DIP2B: variants seen among roughly 807,000 people sequenced by gnomAD.
DIP2B encodes the protein disco-interacting protein 2 homolog B.
In DIP2B, 76 loss-of-function variants were observed where a neutral mutation model predicts 198.0. The ratio of observed to expected loss-of-function variants is 0.38; its 90% CI spans 0.32 to 0.46. The LOEUF (loss-of-function observed/expected upper bound fraction) is 0.46. DIP2B is among the 20% of genes least tolerant of loss of function. The probability of loss-of-function intolerance (pLI) is 0.99; values close to 1 mark genes in which losing one functional copy is unlikely to be tolerated. For synonymous variants in DIP2B, 701 were observed against 739.1 expected, an observed-to-expected ratio of 0.95 and a Z score of 0.84; for missense variants, 1,559 against 1,978.4, an observed-to-expected ratio of 0.79 and a Z score of 4.02.
At chr12:50,715,235 C>A (rs148755490) in intron 23 of DIP2B, among the ~76,000 whole-genome samples, 1 of 152,160 alleles carries the variant, frequency 6.6e-6, no homozygotes. Context: ...GTCATAGATA[C>A]GCTACAGAAC....
At chr12:50,521,102 T>G (rs925463294) in intron 1 of DIP2B, among the ~76,000 whole-genome samples, 1 of 148,560 alleles carries the variant, frequency 6.7e-6, no homozygotes, top group African/African-American at 2.5e-5. Flanking sequence ...CAGTTTTTTT[T>G]TTTTTTTTTT....
At chr12:50,558,079 T>C (rs541532768) in intron 1 of DIP2B, among the ~76,000 whole-genome samples, 8 of 82,720 alleles carry the variant, frequency 9.7e-5, no homozygotes, top group Non-Finnish European at 1.7e-4. Flanking sequence ...AATTATCACG[T>C]TTCAGCTGAG....
chr12:50,621,378 G>T (rs1425883292), intron 1 of DIP2B, among the ~76,000 whole-genome samples: 1 of 152,156 alleles, frequency 6.6e-6, no homozygotes, highest in African/African-American at 2.4e-5. Context: ...GTAAACTTCT[G>T]GTCCACTAAA....
At chr12:50,560,074 C>T (rs1045705799) in intron 1 of DIP2B, among the ~76,000 whole-genome samples, 1 of 151,994 alleles carries the variant, frequency 6.6e-6, no homozygotes, top group Admixed American at 6.6e-5. Context: ...GCCAAGAGTT[C>T]GAGATCAGCC....
intron 1 of DIP2B, among the ~76,000 whole-genome samples, chr12:50,506,363 A>G (rs979175134): frequency 2.0e-5 from 3 of 152,334 alleles, no homozygotes; most frequent in Non-Finnish European, 4.4e-5. Context: ...CCAGGAGCTT[A>G]TTAAACATTA....
intron 1 of DIP2B, among the ~76,000 whole-genome samples, chr12:50,528,166 A>G (rs963646206): frequency 3.0e-4 from 45 of 151,634 alleles, no homozygotes; most frequent in African/African-American, 7.8e-4. Flanking sequence ...GACTCAAGCA[A>G]TCTGCCCACC....
intron 37 of DIP2B, among the ~76,000 whole-genome samples, chr12:50,742,414 AAAAAAAAAC>A (rs1185180382): frequency 0.027 from 2,292 of 86,402 alleles, 114 homozygotes; most frequent in African/African-American, 0.06. Flanking sequence ...AAAAAAAAAA[AAAAAAAAAC>A]CACCTCTGTA....
At chr12:50,629,582 C>T (rs1037347544) in intron 2 of DIP2B, among the ~76,000 whole-genome samples, 2 of 152,320 alleles carry the variant, frequency 1.3e-5, no homozygotes, top group Non-Finnish European at 2.9e-5. Context: ...AAATATGTAT[C>T]TTCAACCCGA....
At chr12:50,693,752 A>G (rs995048939) in intron 14 of DIP2B, among the ~76,000 whole-genome samples, 11 of 152,218 alleles carry the variant, frequency 7.2e-5, no homozygotes, top group African/African-American at 2.4e-4. Context: ...AGATAGGGAC[A>G]TGTGTGAAGA....
intron 1 of DIP2B, among the ~76,000 whole-genome samples, chr12:50,608,641 G>T (rs978674672): frequency 4.1e-5 from 6 of 145,410 alleles, no homozygotes; most frequent in Non-Finnish European, 9.0e-5. Flanking sequence ...AAAAAAAAAA[G>T]AAAGAAAAGA....
At chr12:50,688,878 G>C (rs533861255) in intron 12 of DIP2B, among the ~76,000 whole-genome samples, 69 of 152,206 alleles carry the variant, frequency 4.5e-4, no homozygotes, top group African/African-American at 1.6e-3. Context: ...TGTGGCTCTT[G>C]CTTAGCTCTC....
chr12:50,544,794 T>G (rs1031019131), intron 1 of DIP2B, among the ~76,000 whole-genome samples: 44 of 152,008 alleles, frequency 2.9e-4, no homozygotes, highest in African/African-American at 9.9e-4. Flanking sequence ...ATTTTTTGTA[T>G]TTTTAGTAGA....
At chr12:50,640,219 A>G (rs2684903) in intron 2 of DIP2B, among the ~76,000 whole-genome samples, 8,842 of 152,230 alleles carry the variant, frequency 0.058, 331 homozygotes, top group Non-Finnish European at 0.088. Context: ...ATAAGACAGT[A>G]CATTTTGGGA....
At chr12:50,544,915 C>T (rs1958362908) in intron 1 of DIP2B, among the ~76,000 whole-genome samples, 2 of 152,130 alleles carry the variant, frequency 1.3e-5, no homozygotes, top group South Asian at 4.1e-4. Context: ...CCGCGCCTGG[C>T]TGAATAACTT....
intron 1 of DIP2B, among the ~76,000 whole-genome samples, chr12:50,515,389 G>A (rs1958055247): frequency 6.6e-6 from 1 of 151,908 alleles, no homozygotes; most frequent in Admixed American, 6.6e-5. Flanking sequence ...CTGCCACCAC[G>A]CCCAGCTAAT....
Position 50,505,022 on chromosome 12 carries a change from C to CGGCGGCGGT in DIP2B, c.-117_-116insCGGCGGTGG, listed in dbSNP as rs1274636642. 7 of 1,001,264 alleles carry CGGCGGCGGT rather than the reference C, an allele frequency of 7.0e-6. 1 individual carries two copies. Among genetic ancestry groups the CGGCGGCGGT allele is most frequent in the African/African-American group, 5.1e-5 (3 of 59,148 alleles). 62.0% of individuals were successfully genotyped at this position (1,001,264 alleles called of 1,614,324 possible). On this transcript the variant is annotated 5_prime_UTR_variant, in exon 1 of 38. Coordinates refer to ENST00000301180, the MANE Select transcript of DIP2B (RefSeq NM_173602.3). ...CTCATGGCGGCGGCGGCGGCGGCGG[C>CGGCGGCGGT]GGTGCTGGTGGTGCTCGGCGGCCGG...
At chr12:50,640,958 A>G in intron 3 of DIP2B, 106 bp downstream of exon 3, 1 of 1,370,660 alleles carries the variant, frequency 7.3e-7, no homozygotes, top group Non-Finnish European at 9.8e-7. Flanking sequence ...CCTATGAGGC[A>G]CCAACAGTTT....
At chr12:50,732,124 T>G (rs1940053603) in intron 31 of DIP2B, among the ~76,000 whole-genome samples, 1 of 152,342 alleles carries the variant, frequency 6.6e-6, no homozygotes, top group South Asian at 2.1e-4. Context: ...CTGAAGAGCC[T>G]TAGATTTTTA....
intron 3 of DIP2B, among the ~76,000 whole-genome samples, chr12:50,648,664 C>CT (rs1565858036): frequency 2.8e-5 from 4 of 140,498 alleles, no homozygotes; most frequent in East Asian, 2.1e-4. Context: ...CGCCCAGCCC[C>CT]CTTTTTTTTT....
Sources: allele counts gnomAD v4.1 joint callset (sites outside exome capture counted in the v4.1 genomes callset), GRCh38; gene constraint gnomAD v4.1.1; transcripts MANE v1.5; gene names NCBI Gene and HGNC (gene_info 2026-07-23, HGNC 2026-07-21).